The following CAMK1D variants were observed in gnomAD, a reference collection of about 807,000 sequenced individuals.
CAMK1D encodes the protein calcium/calmodulin dependent protein kinase ID, also known as calcium/calmodulin-dependent protein kinase type 1D.
A neutral mutation model predicts 47.7 loss-of-function variants in CAMK1D; 9 were observed. The observed-to-expected ratio is 0.19, with a 90% CI of 0.11 to 0.33. CAMK1D has a LOEUF of 0.33. Ranked by LOEUF, CAMK1D falls within the 10% of genes least tolerant of loss-of-function variation. The pLI, the probability that CAMK1D is intolerant of heterozygous loss-of-function variation, is 1.00. For missense variants in CAMK1D, 291 were observed against 488.7 expected (o/e 0.60, Z 3.81); for synonymous variants, 184 against 184.9 (o/e 0.99, Z 0.04).
chr10:12,551,848 T>C (rs1836593951), intron 1 of CAMK1D, among the ~76,000 whole-genome samples: 1 of 152,230 alleles, frequency 6.6e-6, no homozygotes, highest in African/African-American at 2.4e-5. Context: ...TGGTCCCTGA[T>C]GCCAAAAAGG....
At chr10:12,389,508 G>A (rs1838646867) in intron 1 of CAMK1D, among the ~76,000 whole-genome samples, 1 of 152,174 alleles carries the variant, frequency 6.6e-6, no homozygotes, top group African/African-American at 2.4e-5. Context: ...CCAGGCCTGA[G>A]TGAGAACGTG....
At chr10:12,714,761 T>TACACACACAC (rs55827922) in intron 3 of CAMK1D, among the ~76,000 whole-genome samples, 3,059 of 130,482 alleles carry the variant, frequency 0.023, 74 homozygotes, top group East Asian at 0.056. Flanking sequence ...TACATTAAAT[T>TACACACACAC]ACACACACAC....
intron 3 of CAMK1D, among the ~76,000 whole-genome samples, chr10:12,706,378 T>A (rs1485835406): frequency 1.3e-5 from 2 of 152,218 alleles, no homozygotes; most frequent in African/African-American, 4.8e-5. Flanking sequence ...GTCGTCCTTC[T>A]GAAATTCAGT....
At chr10:12,510,092 C>T (rs537138732) in intron 1 of CAMK1D, among the ~76,000 whole-genome samples, 1 of 152,138 alleles carries the variant, frequency 6.6e-6, no homozygotes, top group Non-Finnish European at 1.5e-5. Context: ...ATGAATGTGC[C>T]CTGTGGGCCC....
At chr10:12,496,243 CACTTAA>C (rs1450109734) in intron 1 of CAMK1D, among the ~76,000 whole-genome samples, 10 of 152,190 alleles carry the variant, frequency 6.6e-5, no homozygotes, top group Non-Finnish European at 1.2e-4. Context: ...AAACCTGAGA[CACTTAA>C]ACTTTAATGA....
chr10:12,767,764 C>T (rs957356660), intron 4 of CAMK1D, among the ~76,000 whole-genome samples: 12 of 152,188 alleles, frequency 7.9e-5, no homozygotes, highest in Admixed American at 5.9e-4. Flanking sequence ...ACACACTTTA[C>T]AGGAATAGTC....
At chr10:12,453,193 CTTTTTTT>C (rs59619218) in intron 1 of CAMK1D, among the ~76,000 whole-genome samples, 1 of 137,640 alleles carries the variant, frequency 7.3e-6, no homozygotes, top group Non-Finnish European at 1.5e-5. Context: ...TTTCTTTTTT[CTTTTTTT>C]TTTTTTTGAG....
At chr10:12,611,588 C>CTTTT (rs71386105) in intron 2 of CAMK1D, among the ~76,000 whole-genome samples, 15,623 of 59,568 alleles carry the variant, frequency 0.26, 4,428 homozygotes, top group South Asian at 0.41. Context: ...TTCAGAATGC[C>CTTTT]TTTTTTTTTT....
intron 1 of CAMK1D, among the ~76,000 whole-genome samples, chr10:12,533,951 G>A (rs533207002): frequency 1.2e-4 from 19 of 152,160 alleles, no homozygotes; most frequent in Non-Finnish European, 2.2e-4. Context: ...ATTCCAGGAC[G>A]TCTCCTGGGC....
intron 2 of CAMK1D, among the ~76,000 whole-genome samples, chr10:12,638,997 C>T (rs114140483): frequency 0.02 from 2,975 of 152,264 alleles, 88 homozygotes; most frequent in African/African-American, 0.067. Context: ...TTCGTGAGGG[C>T]GGGAACCTCA....
intron 6 of CAMK1D, among the ~76,000 whole-genome samples, chr10:12,796,724 C>T (rs1054984849): frequency 7.9e-5 from 12 of 152,156 alleles, no homozygotes; most frequent in African/African-American, 1.7e-4. Flanking sequence ...GGGCAACAGT[C>T]GCCTGCTTAT....
intron 1 of CAMK1D, among the ~76,000 whole-genome samples, chr10:12,438,998 G>A (rs140084001): frequency 1.7e-3 from 261 of 152,214 alleles, no homozygotes; most frequent in Non-Finnish European, 3.4e-3. Flanking sequence ...GCTTTCTGGT[G>A]CAGGCTCTTT....
chr10:12,603,552 A>T (rs1046921231), intron 2 of CAMK1D, among the ~76,000 whole-genome samples: 1 of 152,098 alleles, frequency 6.6e-6, no homozygotes, highest in Admixed American at 6.5e-5. Flanking sequence ...CCTCCAGTCC[A>T]TCCTGTGCTA....
At chr10:12,627,081 T>G (rs903449435) in intron 2 of CAMK1D, among the ~76,000 whole-genome samples, 1 of 79,614 alleles carries the variant, frequency 1.3e-5, no homozygotes, top group African/African-American at 4.8e-5. Context: ...GGCTATAATT[T>G]TTTTTTTTTT....
chr10:12,742,200 A>G (rs891639823), intron 3 of CAMK1D, among the ~76,000 whole-genome samples: 4 of 152,184 alleles, frequency 2.6e-5, no homozygotes, highest in Non-Finnish European at 5.9e-5. Context: ...CAGTGGTGCA[A>G]TCATAGCTCA....
At chr10:12,542,039 T>C (rs147345963) in intron 1 of CAMK1D, among the ~76,000 whole-genome samples, 1 of 152,186 alleles carries the variant, frequency 6.6e-6, no homozygotes, top group Non-Finnish European at 1.5e-5. Context: ...CATGGCAGGA[T>C]AATTTTTGAA....
intron 1 of CAMK1D, among the ~76,000 whole-genome samples, chr10:12,408,935 C>A (rs1389797714): frequency 4.1e-5 from 6 of 147,544 alleles, no homozygotes; most frequent in Admixed American, 2.8e-4. Context: ...CTCACTGCAA[C>A]CTCCACCTCC....
intron 6 of CAMK1D, among the ~76,000 whole-genome samples, chr10:12,793,095 A>G (rs759472938): frequency 3.3e-5 from 5 of 152,060 alleles, no homozygotes; most frequent in Non-Finnish European, 5.9e-5. Flanking sequence ...TAAGTCCTCA[A>G]TTAGAAATCT....
At chr10:12,786,340 A>G (rs1421371941) in intron 5 of CAMK1D, among the ~76,000 whole-genome samples, 2 of 152,116 alleles carry the variant, frequency 1.3e-5, no homozygotes, top group African/African-American at 4.8e-5. Context: ...GTTAAAAAAT[A>G]TTTGTATTTT....
Sources: allele counts gnomAD v4.1 joint callset (sites outside exome capture counted in the v4.1 genomes callset), GRCh38; gene constraint gnomAD v4.1.1; transcripts MANE v1.5; gene names NCBI Gene and HGNC (gene_info 2026-07-23, HGNC 2026-07-21).